Variants in PDE3A observed in about 807,000 individuals in gnomAD.
PDE3A encodes cGMP-inhibited 3',5'-cyclic phosphodiesterase 3A.
A neutral mutation model predicts 98.3 loss-of-function variants in PDE3A; 43 were observed. That is an observed-to-expected ratio of 0.44 (90% confidence interval 0.34 to 0.56). The LOEUF is 0.56. PDE3A is among the 20% of genes least tolerant of loss of function. The pLI is 0.01. For missense variants in PDE3A, 1,427 were observed against 1,440.7 expected, an observed-to-expected ratio of 0.99 and a Z score of 0.15; for synonymous variants, 663 against 567.9, an observed-to-expected ratio of 1.17 and a Z score of -2.38.
chr12:20,406,916 A>T (rs1209339318), intron 1 of PDE3A, among the ~76,000 whole-genome samples: 1 of 152,082 alleles, frequency 6.6e-6, no homozygotes, highest in Non-Finnish European at 1.5e-5. Context: ...GTGTGTATGG[A>T]TATACAGTTT....
At chr12:20,464,877 A>AACAG (rs1565557735) in intron 1 of PDE3A, among the ~76,000 whole-genome samples, 1 of 152,172 alleles carries the variant, frequency 6.6e-6, no homozygotes, top group African/African-American at 2.4e-5. Flanking sequence ...TAGAGAGAAA[A>AACAG]ACAGATATTT....
At position 20,654,146 on chromosome 12, in the gene PDE3A, A is replaced by C; in HGVS notation, c.3125A>C (p.Glu1042Ala). The change falls in exon 15 of 16, where the codon GAG (glutamate) becomes GCG (alanine). Residue 1042 changes from glutamate to alanine, a missense_variant. Glu to Ala is a moderately radical substitution (Grantham distance 107, BLOSUM62 -1). Transcript: ENST00000359062. ...GGAGATACTGATGACCCAGAAGAAG[A>C]GGAGGAAGAAGCACCAGCACCAAAT... ...ESGDTDDPEEEEEEAPAPNEE... is the reference protein window; with the variant it reads ...ESGDTDDPEEAEEEAPAPNEE... 6.2e-7 allele frequency: 1 copy of C among 1,614,108 alleles called. No individual in the cohort carries two copies. Among genetic ancestry groups the C allele is most frequent in the East Asian group, 2.2e-5 (1 of 44,876 alleles).
At chr12:20,461,300 G>A (rs1040950218) in intron 1 of PDE3A, among the ~76,000 whole-genome samples, 8 of 148,648 alleles carry the variant, frequency 5.4e-5, no homozygotes, top group Admixed American at 4.0e-4. Flanking sequence ...GTCTTTCCTT[G>A]ACTTTAGTTT....
At chr12:20,371,514 T>C (rs535496497) in intron 1 of PDE3A, 39 of 947,510 alleles carry the variant, frequency 4.1e-5, no homozygotes, top group Middle Eastern at 5.4e-4. Flanking sequence ...TGGATAATCA[T>C]TTGGGTATTT....
At chr12:20,678,227 T>TCCCTAGAG (rs1334712281) in intron 15 of PDE3A, among the ~76,000 whole-genome samples, 1 of 152,218 alleles carries the variant, frequency 6.6e-6, no homozygotes, top group African/African-American at 2.4e-5. Context: ...CCTCATATTT[T>TCCCTAGAG]AGGGAGCCTC....
intron 2 of PDE3A, among the ~76,000 whole-genome samples, chr12:20,566,654 T>G (rs995188587): frequency 6.6e-6 from 1 of 151,932 alleles, no homozygotes; most frequent in East Asian, 1.9e-4. Flanking sequence ...AAAGCTCTAG[T>G]TCTCAAAGGA....
chr12:20,660,222 C>T (rs1338686851), intron 15 of PDE3A, among the ~76,000 whole-genome samples: 1 of 152,184 alleles, frequency 6.6e-6, no homozygotes, highest in Admixed American at 6.5e-5. Flanking sequence ...TTTGCTTCCC[C>T]TTCCACCATG....
intron 4 of PDE3A, among the ~76,000 whole-genome samples, chr12:20,616,667 G>A (rs2121465962): frequency 6.6e-6 from 1 of 152,156 alleles, no homozygotes; most frequent in Admixed American, 6.5e-5. Context: ...CAGGATAAAG[G>A]TAGGTAATTT....
In PDE3A at chr12:20,369,387, C is replaced by T. The variant is rs771296905; in HGVS notation, c.103C>T (p.Pro35Ser). ...AGRDCHHRAD[P>S]ASPRDSGCRG... Reference sequence around the variant, plus strand: ...CCGGGACTGCCACCATCGTGCGGACCCCGCATCGCCGCGGGACTCGGGCTG... The same window carrying T: ...CCGGGACTGCCACCATCGTGCGGACTCCGCATCGCCGCGGGACTCGGGCTG... The change falls in exon 1 of 16, where the codon CCC (proline) becomes TCC (serine). Residue 35 changes from proline to serine, a missense_variant. By Grantham distance (74) the Pro-to-Ser change is moderately conservative. This residue lies in a region of PDE3A where 1,012 missense variants were observed against 886.5 expected (regional missense o/e 1.14). Coordinates refer to ENST00000359062, the MANE Select transcript of PDE3A (RefSeq NM_000921.5). 79 of 1,550,720 alleles carry T rather than the reference C, an allele frequency of 5.1e-5. No individual in the cohort carries two copies. Among genetic ancestry groups the T allele is most frequent in the Non-Finnish European group, 5.8e-5 (66 of 1,147,786 alleles).
chr12:20,390,467 A>AC (rs1425127273), intron 1 of PDE3A, among the ~76,000 whole-genome samples: 31 of 151,278 alleles, frequency 2.0e-4, no homozygotes, highest in East Asian at 1.6e-3. Context: ...GAAAAAAAAA[A>AC]AAAAAACTGC....
At chr12:20,488,314 G>GA (rs34698501) in intron 1 of PDE3A, among the ~76,000 whole-genome samples, 1 of 151,918 alleles carries the variant, frequency 6.6e-6, no homozygotes, top group African/African-American at 2.4e-5. Context: ...CACACCATTT[G>GA]AAAAAAGCAT....
chr12:20,570,951 C>T (rs569165150), intron 2 of PDE3A, among the ~76,000 whole-genome samples: 9 of 152,228 alleles, frequency 5.9e-5, no homozygotes, highest in East Asian at 1.9e-4. Flanking sequence ...ACTTATTAGA[C>T]GTTCTGATGG....
At chr12:20,508,005 A>G (rs2121105565) in intron 1 of PDE3A, among the ~76,000 whole-genome samples, 1 of 152,174 alleles carries the variant, frequency 6.6e-6, no homozygotes, top group East Asian at 1.9e-4. Flanking sequence ...TAGACCTTAC[A>G]GTTGCCTACA....
At chr12:20,421,653 G>C (rs1416087378) in intron 1 of PDE3A, among the ~76,000 whole-genome samples, 1 of 151,262 alleles carries the variant, frequency 6.6e-6, no homozygotes, top group East Asian at 2.0e-4. Context: ...AACAGAATCT[G>C]TTTCTAACCT....
At chr12:20,375,740 A>G (rs765890032) in intron 1 of PDE3A, among the ~76,000 whole-genome samples, 1 of 151,982 alleles carries the variant, frequency 6.6e-6, no homozygotes, top group Non-Finnish European at 1.5e-5. Context: ...TGCAAAGTTT[A>G]GAGCCTAGTG....
intron 1 of PDE3A, among the ~76,000 whole-genome samples, chr12:20,465,926 G>A (rs1045487115): frequency 6.6e-6 from 1 of 152,116 alleles, no homozygotes; most frequent in Non-Finnish European, 1.5e-5. Flanking sequence ...ACTCATCTTA[G>A]ATCTCCCTTT....
intron 15 of PDE3A, among the ~76,000 whole-genome samples, chr12:20,661,391 C>T (rs1376740142): frequency 6.6e-6 from 1 of 152,194 alleles, no homozygotes; most frequent in Non-Finnish European, 1.5e-5. Context: ...AAGCGAGCTG[C>T]AGAAATTTGC....
chr12:20,553,028 G>C lies in PDE3A; in HGVS notation c.961-3632G>C, dbSNP rs1942258748. ...GGCCGGTGATCTCCAAGCACTTCTC[G>C]ACAGGCGTTTTGCTGAAAACGTGTC... On this transcript the variant is annotated intron_variant, in intron 1 of 15. Coordinates refer to ENST00000359062, the MANE Select transcript of PDE3A (RefSeq NM_000921.5). 2.7e-6 allele frequency: 4 copies of C among 1,485,806 alleles called. No individual in the cohort carries two copies. The South Asian group carries it at 3.6e-5, about 14-fold the overall frequency. The allele number at this position is 1,485,806 out of a possible 1,614,324, so 92.0% of individuals were successfully genotyped here.
chr12:20,520,430 T>C (rs886214496), intron 1 of PDE3A, among the ~76,000 whole-genome samples: 4 of 152,182 alleles, frequency 2.6e-5, no homozygotes, highest in Non-Finnish European at 4.4e-5. Flanking sequence ...TTAGAAGTGG[T>C]TGAGTTCCAT....
Sources: gnomAD v4.1 joint callset for allele counts (sites outside exome capture counted in the v4.1 genomes callset) on GRCh38, gnomAD v4.1.1 for gene constraint, gnomAD v4.1.1 regional missense constraint, MANE v1.5 for transcripts, NCBI Gene and HGNC (gene_info 2026-07-23, HGNC 2026-07-21) for gene names.